Variants in DNER observed in about 807,000 individuals in gnomAD.
DNER encodes the protein delta and Notch-like epidermal growth factor-related receptor.
In DNER, 33 loss-of-function variants were observed where a neutral mutation model predicts 78.2. The ratio of observed to expected loss-of-function variants is 0.42; its 90% confidence interval spans 0.32 to 0.56. The LOEUF (loss-of-function observed/expected upper bound fraction) is 0.56. Among genes scored for constraint, DNER ranks in the 20% least tolerant of loss-of-function variants. The pLI is 0.11. For synonymous variants in DNER, 417 were observed against 384.8 expected, an observed-to-expected ratio of 1.08 and a Z score of -0.98; for missense variants, 918 against 975.3, an observed-to-expected ratio of 0.94 and a Z score of 0.78.
chr2:229,364,694 G>A (rs58350190), intron 12 of DNER, among the ~76,000 whole-genome samples: 15,873 of 152,150 alleles, frequency 0.1, 1,516 homozygotes, highest in East Asian at 0.44. Context: ...GCTGAGTTCT[G>A]GCTTTTGCTT....
In DNER at chr2:229,713,747, C is replaced by A. The variant is rs78167677; in HGVS notation, c.276+401G>T. On this transcript the variant is annotated intron_variant, in intron 1 of 12. Coordinates refer to ENST00000341772, the MANE Select transcript of DNER (RefSeq NM_139072.4). ...CCAGCCGGACGTGGAGCGTGGACCACCTGGACATTGAACACCTCGCCGGGG... is the reference window on the plus strand; with the variant it reads ...CCAGCCGGACGTGGAGCGTGGACCAACTGGACATTGAACACCTCGCCGGGG... Among the ~76,000 whole-genome samples, 528 of 152,376 alleles carry A rather than the reference C, an allele frequency of 3.5e-3. 1 individual carries two copies. The highest frequency in any genetic ancestry group is 6.8e-3 in the Middle Eastern group (2 of 294).
chr2:229,410,669 G>C (rs886434537), intron 9 of DNER, among the ~76,000 whole-genome samples: 1 of 152,174 alleles, frequency 6.6e-6, no homozygotes, highest in African/African-American at 2.4e-5. Context: ...CGTATTAAGG[G>C]ATGGAGAAGA....
intron 4 of DNER, among the ~76,000 whole-genome samples, chr2:229,583,931 CT>C (rs1310283457): frequency 6.6e-6 from 1 of 152,178 alleles, no homozygotes; most frequent in East Asian, 1.9e-4. Flanking sequence ...TCTTTACCTT[CT>C]TTTCACCCAG....
chr2:229,602,671 A>G (rs1302007884), intron 1 of DNER, among the ~76,000 whole-genome samples: 1 of 152,238 alleles, frequency 6.6e-6, no homozygotes, highest in African/African-American at 2.4e-5. Flanking sequence ...ATCAGCAGCA[A>G]ACTAAAGATC....
chr2:229,426,741 A>C (rs1032741961), intron 8 of DNER, among the ~76,000 whole-genome samples: 6 of 152,216 alleles, frequency 3.9e-5, no homozygotes, highest in Non-Finnish European at 7.3e-5. Flanking sequence ...AGAGGCAAGC[A>C]TCTGGGCTCA....
intron 7 of DNER, among the ~76,000 whole-genome samples, chr2:229,459,740 A>G (rs994993342): frequency 3.9e-5 from 6 of 152,070 alleles, no homozygotes; most frequent in African/African-American, 1.5e-4. Flanking sequence ...ACGCCGTGCT[A>G]GCATATGAAA....
At chr2:229,421,669 GGAGA>G (rs1288809245) in intron 8 of DNER, among the ~76,000 whole-genome samples, 3 of 107,828 alleles carry the variant, frequency 2.8e-5, no homozygotes, top group Admixed American at 1.9e-4. Flanking sequence ...AGAGAAAGTG[GGAGA>G]GAGAGTAAAA....
At chr2:229,566,950 G>A (rs918528558) in intron 4 of DNER, among the ~76,000 whole-genome samples, 1 of 152,018 alleles carries the variant, frequency 6.6e-6, no homozygotes, top group African/African-American at 2.4e-5. Context: ...TCCCATCATG[G>A]CCTCCACAGC....
At position 229,714,145 on chromosome 2, in the gene DNER, C is replaced by A; in HGVS notation, c.276+3G>T. Reference sequence around the variant, plus strand: ...CCGCACCGCGCCCGCCGCTTCCACTCACCTGGCAGTTGGCGCCGGAGATCC... The same window carrying A: ...CCGCACCGCGCCCGCCGCTTCCACTAACCTGGCAGTTGGCGCCGGAGATCC... On this transcript the variant is annotated splice_donor_region_variant and intron_variant, in intron 1 of 12. Transcript: ENST00000341772. The A allele has an allele frequency of 7.6e-7, 1 of 1,314,294 alleles. No individual in the cohort carries two copies. The highest frequency in any genetic ancestry group is 9.7e-7 in the Non-Finnish European group (1 of 1,033,788). The allele number at this position is 1,314,294 out of a possible 1,614,324, so 81.4% of individuals were successfully genotyped here.
At chr2:229,471,454 C>T (rs114216725) in intron 7 of DNER, among the ~76,000 whole-genome samples, 1,579 of 152,274 alleles carry the variant, frequency 0.01, 12 homozygotes, top group Non-Finnish European at 0.017. Flanking sequence ...CCCAGGCATT[C>T]CCTAGAGTTA....
rs546632925 is a variant in DNER at position 229,585,741 on chromosome 2, G to T, written c.847+117C>A. ...AAACCTTACCAAAGTGAAAGAAATAGCATTGATGGATAGAATTCAGATTAT... is the reference window on the plus strand; with the variant it reads ...AAACCTTACCAAAGTGAAAGAAATATCATTGATGGATAGAATTCAGATTAT... On this transcript the variant is annotated intron_variant, in intron 4 of 12. Transcript: ENST00000341772. The T allele has an allele frequency of 3.3e-4, 324 of 990,710 alleles. 2 individuals are homozygous for T. Among genetic ancestry groups the T allele is most frequent in the East Asian group, 9.3e-4 (36 of 38,778 alleles). 61.4% of individuals were successfully genotyped at this position (990,710 alleles called of 1,614,324 possible). A position where few individuals can be genotyped will look rare whatever the true frequency, so the allele number is the denominator to read the frequency against.
intron 1 of DNER, among the ~76,000 whole-genome samples, chr2:229,676,254 G>A (rs766297629): frequency 2.1e-4 from 32 of 152,194 alleles, no homozygotes; most frequent in Admixed American, 4.6e-4. Flanking sequence ...CTGGTTGAGC[G>A]GCAGATGGTG....
chr2:229,531,492 A>T (rs1696301302), intron 5 of DNER, among the ~76,000 whole-genome samples: 6 of 152,238 alleles, frequency 3.9e-5, no homozygotes, highest in Admixed American at 3.9e-4. Context: ...GATGGCAAGA[A>T]TAAAAAAAAA....
chr2:229,371,434 G>C (rs1385238831), intron 11 of DNER, among the ~76,000 whole-genome samples: 1 of 152,240 alleles, frequency 6.6e-6, no homozygotes, highest in African/African-American at 2.4e-5. Context: ...GCAGGTGCAT[G>C]ACCAGGAATG....
At chr2:229,419,681 GC>G (rs1294401244) in intron 8 of DNER, among the ~76,000 whole-genome samples, 1 of 152,034 alleles carries the variant, frequency 6.6e-6, no homozygotes, top group Non-Finnish European at 1.5e-5. Context: ...CCTTTGAGGA[GC>G]CCTTGACCTA....
intron 8 of DNER, among the ~76,000 whole-genome samples, chr2:229,424,708 T>G (rs1693837542): frequency 6.6e-6 from 1 of 152,148 alleles, no homozygotes; most frequent in Admixed American, 6.5e-5. Flanking sequence ...CCAAAGACAT[T>G]GGAGGTTACA....
chr2:229,527,514 T>C (rs1268406928), intron 5 of DNER, among the ~76,000 whole-genome samples: 1 of 152,226 alleles, frequency 6.6e-6, no homozygotes, highest in African/African-American at 2.4e-5. Flanking sequence ...GCCTTTATTA[T>C]ACAGGAATTA....
intron 7 of DNER, among the ~76,000 whole-genome samples, chr2:229,465,457 A>G (rs2154210976): frequency 6.6e-6 from 1 of 152,240 alleles, no homozygotes; most frequent in Non-Finnish European, 1.5e-5. Context: ...ATCAGGATAA[A>G]CAGCTAATGC....
chr2:229,620,158 C>T (rs933880965), intron 1 of DNER, among the ~76,000 whole-genome samples: 7 of 152,150 alleles, frequency 4.6e-5, no homozygotes, highest in African/African-American at 7.2e-5. Context: ...CGCGGAAGAA[C>T]GGGATCACCC....
Sources: gnomAD v4.1 joint callset for allele counts (sites outside exome capture counted in the v4.1 genomes callset) on GRCh38, gnomAD v4.1.1 for gene constraint, MANE v1.5 for transcripts, NCBI Gene and HGNC (gene_info 2026-07-23, HGNC 2026-07-21) for gene names.